MRPL34: variants seen among roughly 807,000 people sequenced by gnomAD.
The protein encoded by MRPL34 is large ribosomal subunit protein bL34m.
In MRPL34, 8 loss-of-function variants were observed where a neutral mutation model predicts 6.7. The ratio of observed to expected loss-of-function variants is 1.20; its 90% CI spans 0.70 to 2.16. MRPL34 has a LOEUF of 2.16. Among genes scored for constraint, MRPL34 ranks in the 30% most tolerant of loss-of-function variants. The pLI is 0.00. For synonymous variants in MRPL34, 59 were observed against 55.1 expected (o/e 1.07, Z -0.31); for missense variants, 146 against 125.5 (o/e 1.16, Z -0.78).
At chr19:17,303,409 G>GA (rs750199748), upstream of MRPL34, 3 of 152,310 alleles carry the variant, frequency 2.0e-5, no homozygotes, top group Non-Finnish European at 4.4e-5. Context: ...CGCGGCCGCC[G>GA]AAACAGCCGG....
At chr19:17,294,765 G>T (rs1257742043) in intron 1 of MRPL34, 1 of 1,614,036 alleles carries the variant, frequency 6.2e-7, no homozygotes, top group African/African-American at 1.3e-5. Context: ...CTCCAGCGCC[G>T]TAGGGCCCCC....
At chr19:17,301,202 C>G (rs946527902), upstream of MRPL34, 1 of 1,598,930 alleles carries the variant, frequency 6.3e-7, no homozygotes, top group African/African-American at 1.3e-5. Flanking sequence ...CTGCCGCTGC[C>G]GCTGCCTGCG....
intron 1 of MRPL34, chr19:17,294,725 G>A (rs2074086037): frequency 6.2e-7 from 1 of 1,614,198 alleles, no homozygotes; most frequent in South Asian, 1.1e-5. Flanking sequence ...GGACGCAGGT[G>A]GGCATGTTGA....
upstream of MRPL34, among the ~76,000 whole-genome samples, chr19:17,300,183 C>T (rs544229927): frequency 3.4e-4 from 52 of 151,884 alleles, 2 homozygotes; most frequent in South Asian, 0.011. Context: ...GGATTACAGG[C>T]GTGAGCCACC....
intron 1 of MRPL34, among the ~76,000 whole-genome samples, chr19:17,296,883 CG>C (rs1184513141): frequency 1.3e-5 from 2 of 151,896 alleles, no homozygotes; most frequent in Non-Finnish European, 2.9e-5. Flanking sequence ...TTAGTAGAGA[CG>C]GGGTTTCACC....
chr19:17,299,728 A>T (rs191343676), upstream of MRPL34, among the ~76,000 whole-genome samples: 89 of 151,944 alleles, frequency 5.9e-4, no homozygotes, highest in African/African-American at 2.1e-3. Context: ...AAAAATTTTA[A>T]AAATGTAAAA....
At chr19:17,294,782 G>T in intron 1 of MRPL34, 1 of 1,614,248 alleles carries the variant, frequency 6.2e-7, no homozygotes, top group East Asian at 2.2e-5. Flanking sequence ...CCCCGCCATT[G>T]ATCATGATCA....
At chr19:17,297,676 AAG>A (rs1157435254) in intron 1 of MRPL34, 2 of 152,036 alleles carry the variant, frequency 1.3e-5, no homozygotes, top group African/African-American at 4.8e-5. Flanking sequence ...ATAAACAAAT[AAG>A]AGCTGTTACC....
At chr19:17,300,907 A>G, upstream of MRPL34, 1 of 1,607,636 alleles carries the variant, frequency 6.2e-7, no homozygotes, top group Non-Finnish European at 8.5e-7. Flanking sequence ...GCGCTTGAAG[A>G]TTGCTCGCAT....
At chr19:17,304,866 G>A (rs2074138469), upstream of MRPL34, among the ~76,000 whole-genome samples, 1 of 152,086 alleles carries the variant, frequency 6.6e-6, no homozygotes, top group African/African-American at 2.4e-5. Flanking sequence ...ACTACAGCCT[G>A]GATCTCCTGG....
At chr19:17,300,951 G>T, upstream of MRPL34, 3 of 1,613,430 alleles carry the variant, frequency 1.9e-6, no homozygotes, top group Non-Finnish European at 2.5e-6. Context: ...TGTAGGCTGC[G>T]GCCACCTGGG....
upstream of MRPL34, among the ~76,000 whole-genome samples, chr19:17,299,118 G>T (rs2074105374): frequency 2.0e-5 from 3 of 152,060 alleles, no homozygotes; most frequent in South Asian, 6.2e-4. Flanking sequence ...ATATGCTAAT[G>T]GGAGTTTTCA....
At chr19:17,300,713 G>T (rs2074113408), upstream of MRPL34, 5 of 1,080,806 alleles carry the variant, frequency 4.6e-6, no homozygotes, top group South Asian at 8.0e-5. Context: ...CCCAACCTCA[G>T]GTGATCCGCC....
chr19:17,299,900 G>GC (rs200754881), upstream of MRPL34, among the ~76,000 whole-genome samples: 1 of 141,470 alleles, frequency 7.1e-6, no homozygotes, highest in African/African-American at 2.5e-5. Context: ...GCGCGTGGTG[G>GC]CCCCTTTTTT....
At chr19:17,305,859 GCCCGCAGCCGGTACTGCGGGACCCA>G (rs1274737858) in exon 1 of MRPL34, 4 of 1,606,858 alleles carry the variant, frequency 2.5e-6, no homozygotes, top group Non-Finnish European at 3.4e-6. Context: ...CTCCGGAATC[GCCCGCAGCCGGTACTGCGGGACCCA>G]CTGCGGATAT....
upstream of MRPL34, among the ~76,000 whole-genome samples, chr19:17,300,498 C>T (rs1229633673): frequency 6.6e-6 from 1 of 151,102 alleles, no homozygotes; most frequent in African/African-American, 2.4e-5. Context: ...TCAGTGGCAT[C>T]TCAGAGTCTC....
intron 1 of MRPL34, among the ~76,000 whole-genome samples, chr19:17,293,054 A>G (rs2074077976): frequency 6.6e-6 from 1 of 151,620 alleles, no homozygotes. Flanking sequence ...TTAAGTGTCT[A>G]CAGTATGCCA....
intron 1 of MRPL34, among the ~76,000 whole-genome samples, chr19:17,295,170 A>G (rs2074088486): frequency 1.4e-5 from 2 of 141,126 alleles, no homozygotes; most frequent in South Asian, 2.3e-4. Flanking sequence ...CAGTGGCGCA[A>G]TCTCGGCTCA....
At chr19:17,292,691 T>C (rs751687090) in exon 1 of MRPL34, 1 of 1,612,222 alleles carries the variant, frequency 6.2e-7, no homozygotes, top group Non-Finnish European at 8.5e-7. Context: ...GCGCCGGCAG[T>C]GGCTCCGGTA....
Sources: gnomAD v4.1 joint callset for allele counts (sites outside exome capture counted in the v4.1 genomes callset) on GRCh38, gnomAD v4.1.1 for gene constraint, MANE v1.5 for transcripts, NCBI Gene and HGNC (gene_info 2026-07-23, HGNC 2026-07-21) for gene names.